The following NBEA variants were observed in gnomAD, a reference collection of about 807,000 sequenced individuals.
NBEA encodes neurobeachin, also known as lysosomal-trafficking regulator 2.
NBEA carries 44 observed loss-of-function variants against 343.4 expected under a neutral mutation model. The ratio of observed to expected loss-of-function variants is 0.13; its 90% confidence interval spans 0.10 to 0.16. The LOEUF is 0.16. Ranked by LOEUF, NBEA falls within the 10% of genes least tolerant of loss-of-function variation. The pLI is 1.00. For missense variants in NBEA, 2,555 were observed against 3,631.3 expected, an observed-to-expected ratio of 0.70 and a Z score of 7.62; for synonymous variants, 1,175 against 1,238.7, an observed-to-expected ratio of 0.95 and a Z score of 1.08.
chr13:35,671,941 G>A lies in NBEA; in HGVS notation c.*950G>A, dbSNP rs2085630522. 1 of 152,292 alleles carries A rather than the reference G, an allele frequency of 6.6e-6. No homozygotes were observed. The highest frequency in any genetic ancestry group is 1.5e-5 in the Non-Finnish European group (1 of 68,014). 9.4% of individuals were successfully genotyped at this position (152,292 alleles called of 1,614,324 possible). A position where few individuals can be genotyped will look rare whatever the true frequency, so the allele number is the denominator to read the frequency against. On this transcript the variant is annotated 3_prime_UTR_variant, in exon 59 of 59. Coordinates refer to ENST00000379939, the MANE Select transcript of NBEA (RefSeq NM_001385012.1). ...ACTGGCTTGGTGTGTATACATTAGG[G>A]GAGGATAATCTGATGCTAACTTTTT...
At chr13:35,305,654 C>T (rs955505528) in intron 35 of NBEA, among the ~76,000 whole-genome samples, 4 of 152,104 alleles carry the variant, frequency 2.6e-5, no homozygotes, top group African/African-American at 9.7e-5. Context: ...AGTATGACTC[C>T]CAGGATGATG....
intron 48 of NBEA, among the ~76,000 whole-genome samples, chr13:35,620,638 T>C (rs952886584): frequency 6.6e-6 from 1 of 152,106 alleles, no homozygotes; most frequent in African/African-American, 2.4e-5. Context: ...CTTCCTTATG[T>C]TTTGAAGGGA....
rs372674390 is a variant in NBEA at position 35,024,380 on chromosome 13, G to A, written c.295-16553G>A. Among the ~76,000 whole-genome samples, 14 of 152,160 alleles carry A rather than the reference G, an allele frequency of 9.2e-5. No homozygotes were observed. The East Asian group carries it at 2.5e-3, about 27-fold the overall frequency. On this transcript the variant is annotated intron_variant, in intron 1 of 58. Coordinates refer to ENST00000379939, the MANE Select transcript of NBEA (RefSeq NM_001385012.1). The stretch of plus-strand genomic sequence containing the variant: ...CAGTAATGGGATTGCTGGGTCAGAG[G>A]GTAATTTTGGGCCCGGCGTGGTGGC...
intron 1 of NBEA, among the ~76,000 whole-genome samples, chr13:34,984,663 T>TTCCTAC (rs2060484657): frequency 6.6e-6 from 1 of 150,704 alleles, no homozygotes; most frequent in Non-Finnish European, 1.5e-5. Context: ...ATATTGATTC[T>TTCCTAC]TCATGAGCAT....
rs41292209 is a variant in NBEA at position 35,668,376 on chromosome 13, C to A, written c.8670C>A (p.Leu2890=). The A allele has an allele frequency of 0.029, 46,467 of 1,603,034 alleles. 812 individuals carry two copies. Among genetic ancestry groups the A allele is most frequent in the Non-Finnish European group, 0.034 (39,643 of 1,174,082 alleles). Residue 2890 remains leucine, a synonymous_variant, in exon 58 of 59, where the codon CTC becomes CTA. Coordinates refer to ENST00000379939, the MANE Select transcript of NBEA (RefSeq NM_001385012.1). The stretch of plus-strand genomic sequence containing the variant: ...TTTTACCTTTTCTGAAGGCCATTCT[C>A]CTGAGCAGTGACGGCCAGAACCTGG... ...MEINDSTRAI[L]LSSDGQNLVT...
chr13:35,621,468 C>T (rs894194833), intron 48 of NBEA, among the ~76,000 whole-genome samples: 1 of 152,158 alleles, frequency 6.6e-6, no homozygotes, highest in African/African-American at 2.4e-5. Flanking sequence ...CCCTACTCCC[C>T]ATCCTGCTTT....
intron 38 of NBEA, among the ~76,000 whole-genome samples, chr13:35,385,430 T>G (rs906288064): frequency 3.9e-5 from 6 of 152,188 alleles, no homozygotes; most frequent in Non-Finnish European, 7.3e-5. Context: ...CCAGGAATGG[T>G]GGCACATGCC....
intron 34 of NBEA, among the ~76,000 whole-genome samples, chr13:35,242,232 G>A (rs1166223321): frequency 2.0e-5 from 3 of 151,784 alleles, no homozygotes; most frequent in Non-Finnish European, 4.4e-5. Flanking sequence ...TTATTTAAAA[G>A]CAAAAACTAA....
chr13:35,592,507 A>C (rs975878239), intron 46 of NBEA, among the ~76,000 whole-genome samples: 4 of 152,152 alleles, frequency 2.6e-5, no homozygotes, highest in Admixed American at 2.6e-4. Context: ...TAGCGCAAGG[A>C]AAGTTTTTCA....
chr13:35,206,913 A>T (rs1300333731), intron 31 of NBEA, among the ~76,000 whole-genome samples: 1 of 152,102 alleles, frequency 6.6e-6, no homozygotes, highest in Non-Finnish European at 1.5e-5. Context: ...GCATTAGATG[A>T]GGACTTGCCA....
At chr13:35,613,764 G>A (rs1367359237) in intron 48 of NBEA, among the ~76,000 whole-genome samples, 1 of 152,026 alleles carries the variant, frequency 6.6e-6, no homozygotes, top group Non-Finnish European at 1.5e-5. Context: ...GGGAGCACAG[G>A]TGCATGCCAC....
At chr13:34,984,500 T>TCTCCCTCATGGTCAGGCTGCAAA (rs1344193640) in intron 1 of NBEA, among the ~76,000 whole-genome samples, 2 of 151,602 alleles carry the variant, frequency 1.3e-5, no homozygotes, top group African/African-American at 2.4e-5. Context: ...TTTGTTCTTT[T>TCTCCCTCATGGTCAGGCTGCAAA]TGCTTAGCAT....
chr13:35,603,282 T>C (rs966661070), intron 47 of NBEA, among the ~76,000 whole-genome samples: 4 of 152,210 alleles, frequency 2.6e-5, no homozygotes, highest in Non-Finnish European at 1.5e-5. Context: ...GCGTGCAAAG[T>C]ATAGCACTGA....
chr13:35,243,119 A>G (rs2030598759), intron 34 of NBEA, among the ~76,000 whole-genome samples: 1 of 151,918 alleles, frequency 6.6e-6, no homozygotes, highest in South Asian at 2.1e-4. Context: ...ATGACTTGTG[A>G]CATAAGTAAC....
intron 55 of NBEA, among the ~76,000 whole-genome samples, chr13:35,664,511 G>A (rs556734523): frequency 1.3e-5 from 2 of 152,328 alleles, no homozygotes; most frequent in African/African-American, 4.8e-5. Flanking sequence ...TTTTACAAAA[G>A]GCATAACATT....
chr13:35,196,387 T>C (rs2072599174), intron 31 of NBEA, 85 bp downstream of exon 31: 1 of 1,299,042 alleles, frequency 7.7e-7, no homozygotes. Flanking sequence ...AGGAAGATCT[T>C]GAAAACTTTA....
At chr13:35,342,462 A>G (rs2039641150) in intron 36 of NBEA, among the ~76,000 whole-genome samples, 1 of 152,094 alleles carries the variant, frequency 6.6e-6, no homozygotes, top group South Asian at 2.1e-4. Context: ...CAACTAAGAA[A>G]CTTACAATGT....
At chr13:35,516,673 ATG>A (rs2077497885) in intron 41 of NBEA, among the ~76,000 whole-genome samples, 2 of 151,980 alleles carry the variant, frequency 1.3e-5, no homozygotes, top group Non-Finnish European at 2.9e-5. Context: ...TAGTTTTGAT[ATG>A]TGTCTTTTAA....
intron 36 of NBEA, among the ~76,000 whole-genome samples, chr13:35,317,627 T>A (rs2486018): frequency 0.16 from 23,763 of 152,184 alleles, 2,075 homozygotes; most frequent in East Asian, 0.23. Context: ...AGTAGTTTTT[T>A]CTAATTATGT....
Sources: allele counts gnomAD v4.1 joint callset (sites outside exome capture counted in the v4.1 genomes callset), GRCh38; gene constraint gnomAD v4.1.1; transcripts MANE v1.5; gene names NCBI Gene and HGNC (gene_info 2026-07-23, HGNC 2026-07-21).